TBC1D19: variants seen among roughly 807,000 people sequenced by gnomAD.
The protein encoded by TBC1D19 is TBC1 domain family, member 19.
TBC1D19 carries 60 observed loss-of-function variants against 89.0 expected under a neutral mutation model. The observed-to-expected ratio is 0.67, with a 90% CI of 0.55 to 0.84. The LOEUF (loss-of-function observed/expected upper bound fraction) is 0.84. TBC1D19 is among the 40% of genes least tolerant of loss of function. The probability of loss-of-function intolerance (pLI) is 0.00; values close to 1 mark genes in which losing one functional copy is unlikely to be tolerated. For missense variants in TBC1D19, 500 were observed against 610.8 expected (o/e 0.82, Z 1.91); for synonymous variants, 189 against 199.7 (o/e 0.95, Z 0.45).
intron 7 of TBC1D19, among the ~76,000 whole-genome samples, chr4:26,659,051 C>A (rs190003223): frequency 6.4e-4 from 98 of 152,240 alleles, no homozygotes; most frequent in African/African-American, 2.3e-3. Flanking sequence ...GACTTCCACT[C>A]TTCCTATTTG....
the TBC1D19 span, among the ~76,000 whole-genome samples, chr4:26,843,211 T>C: frequency 1.1e-3 from 173 of 152,356 alleles, 1 homozygote; most frequent in African/African-American, 3.6e-3. Context: ...TAAAAATTTT[T>C]TGGAACGTGT....
the TBC1D19 span, among the ~76,000 whole-genome samples, chr4:26,794,310 G>T: frequency 1.3e-5 from 2 of 151,844 alleles, no homozygotes; most frequent in African/African-American, 4.8e-5. Context: ...AAATTATAAG[G>T]TGAAATTAGT....
chr4:26,666,318 T>C lies in TBC1D19; in HGVS notation c.592-15T>C. ...GTCTGAGATCTATGTTAATTCTACG[T>C]ATGTTATTTTTCAGAAAGAATGCTT... is the stretch of plus-strand genomic sequence containing the variant. On this transcript the variant is annotated splice_polypyrimidine_tract_variant and intron_variant, in intron 8 of 20. Transcript: ENST00000264866. 1 of 1,603,880 alleles carries C rather than the reference T, an allele frequency of 6.2e-7. No homozygotes were observed. The highest frequency in any genetic ancestry group is 8.5e-7 in the Non-Finnish European group (1 of 1,171,878).
downstream of TBC1D19, among the ~76,000 whole-genome samples, chr4:26,760,892 A>G (rs1450947466): frequency 6.6e-6 from 1 of 151,994 alleles, no homozygotes; most frequent in Non-Finnish European, 1.5e-5. Context: ...TTTTTTTCCA[A>G]GTTAATTTTT....
At chr4:26,802,772 A>G in the TBC1D19 span, among the ~76,000 whole-genome samples, 1 of 152,248 alleles carries the variant, frequency 6.6e-6, no homozygotes, top group Non-Finnish European at 1.5e-5. Flanking sequence ...TATTAGAATG[A>G]TAATGTATTA....
chr4:26,788,646 T>G, the TBC1D19 span, among the ~76,000 whole-genome samples: 2 of 152,214 alleles, frequency 1.3e-5, no homozygotes, highest in Non-Finnish European at 2.9e-5. Flanking sequence ...ATAAGCAATC[T>G]GCTGTGACAT....
At chr4:26,787,455 T>C in the TBC1D19 span, among the ~76,000 whole-genome samples, 3 of 151,908 alleles carry the variant, frequency 2.0e-5, no homozygotes, top group African/African-American at 4.8e-5. Flanking sequence ...CAGGTGGACA[T>C]GGGATTACAG....
chr4:26,611,298 G>A (rs538443276), intron 1 of TBC1D19, among the ~76,000 whole-genome samples: 3 of 152,006 alleles, frequency 2.0e-5, no homozygotes, highest in South Asian at 2.1e-4. Context: ...TTTTTAAAAT[G>A]TCTTTGTCTT....
the TBC1D19 span, among the ~76,000 whole-genome samples, chr4:26,765,468 A>AAATCCT: frequency 6.7e-6 from 1 of 150,008 alleles, no homozygotes; most frequent in Non-Finnish European, 1.5e-5. Flanking sequence ...TGGTTTATTA[A>AAATCCT]GGAGGGGAAT....
chr4:26,854,676 C>T, the TBC1D19 span, among the ~76,000 whole-genome samples: 2 of 151,036 alleles, frequency 1.3e-5, no homozygotes, highest in African/African-American at 2.4e-5. Flanking sequence ...TCTCATGCTG[C>T]TTTAGGGCAC....
chr4:26,584,355 C>A, intron 1 of TBC1D19, 63 bp downstream of exon 1: 1 of 1,469,950 alleles, frequency 6.8e-7, no homozygotes, highest in East Asian at 2.4e-5. Context: ...CTCTTCTTCA[C>A]CCTCCTCACC....
chr4:26,666,036 T>A (rs930115815), intron 8 of TBC1D19, among the ~76,000 whole-genome samples: 1 of 152,026 alleles, frequency 6.6e-6, no homozygotes, highest in Non-Finnish European at 1.5e-5. Context: ...GTTTGTGTCT[T>A]TCCCATTATA....
the TBC1D19 span, among the ~76,000 whole-genome samples, chr4:26,781,424 A>G: frequency 8.4e-4 from 127 of 152,076 alleles, no homozygotes; most frequent in Non-Finnish European, 3.2e-4. Context: ...AACCTCTTCC[A>G]CTGGGAGGTC....
chr4:26,627,224 A>C (rs981931900), intron 4 of TBC1D19, among the ~76,000 whole-genome samples: 2 of 151,390 alleles, frequency 1.3e-5, no homozygotes, highest in Non-Finnish European at 3.0e-5. Flanking sequence ...TGAACTCATC[A>C]TTTTTTATGG....
intron 8 of TBC1D19, among the ~76,000 whole-genome samples, chr4:26,665,728 A>AT (rs1220128280): frequency 6.6e-6 from 1 of 152,050 alleles, no homozygotes; most frequent in East Asian, 1.9e-4. Flanking sequence ...TTAGACAATG[A>AT]TTTTAGAAGA....
intron 13 of TBC1D19, among the ~76,000 whole-genome samples, chr4:26,697,991 A>G (rs1714960892): frequency 6.6e-6 from 1 of 152,196 alleles, no homozygotes; most frequent in Non-Finnish European, 1.5e-5. Flanking sequence ...TATTCAACAT[A>G]GTGTTGGAAG....
At chr4:26,680,923 C>G (rs1713284020) in intron 11 of TBC1D19, among the ~76,000 whole-genome samples, 1 of 152,136 alleles carries the variant, frequency 6.6e-6, no homozygotes, top group Admixed American at 6.5e-5. Flanking sequence ...CCTGAACTGT[C>G]TCATCCACAA....
chr4:26,590,758 T>G (rs963471016), intron 1 of TBC1D19, among the ~76,000 whole-genome samples: 4 of 148,606 alleles, frequency 2.7e-5, no homozygotes, highest in African/African-American at 4.9e-5. Flanking sequence ...CTAAAGTTCA[T>G]GGTTTACATT....
At chr4:26,613,858 G>A (rs2110016355) in intron 2 of TBC1D19, among the ~76,000 whole-genome samples, 1 of 152,296 alleles carries the variant, frequency 6.6e-6, no homozygotes, top group East Asian at 1.9e-4. Flanking sequence ...AGCAAGAGGA[G>A]AGAGAGGTTC....
Sources: gnomAD v4.1 joint callset for allele counts (sites outside exome capture counted in the v4.1 genomes callset) on GRCh38, gnomAD v4.1.1 for gene constraint, MANE v1.5 for transcripts, NCBI Gene and HGNC (gene_info 2026-07-23, HGNC 2026-07-21) for gene names.